THNSL1: variants seen among roughly 807,000 people sequenced by gnomAD.
THNSL1 encodes the protein threonine synthase-like 1.
Under a neutral mutation model 50.4 loss-of-function variants are expected in THNSL1, and 48 were observed. The ratio of observed to expected loss-of-function variants is 0.95; its 90% CI spans 0.76 to 1.21. THNSL1 has a LOEUF of 1.21. Ranked by LOEUF, THNSL1 falls within the 50% of genes most tolerant of loss-of-function variation. The pLI, the probability that THNSL1 is intolerant of heterozygous loss-of-function variation, is 0.00. For missense variants in THNSL1, 896 were observed against 871.7 expected, an observed-to-expected ratio of 1.03 and a Z score of -0.35; for synonymous variants, 309 against 306.1, an observed-to-expected ratio of 1.01 and a Z score of -0.10.
chr10:24,993,725 C>A, the THNSL1 span, among the ~76,000 whole-genome samples: 1 of 152,212 alleles, frequency 6.6e-6, no homozygotes, highest in East Asian at 1.9e-4. Flanking sequence ...GCATTAGGTG[C>A]ACAGTGCTTT....
chr10:24,990,033 A>C, the THNSL1 span, among the ~76,000 whole-genome samples: 9 of 152,226 alleles, frequency 5.9e-5, no homozygotes, highest in African/African-American at 2.2e-4. Context: ...TTTGCCTTAT[A>C]GGAAAGGAAA....
chr10:24,970,089 T>C, the THNSL1 span, among the ~76,000 whole-genome samples: 2 of 152,242 alleles, frequency 1.3e-5, no homozygotes, highest in African/African-American at 4.8e-5. Context: ...TATTTTATTC[T>C]GAAATCACGT....
In THNSL1 at chr10:25,024,566, T is replaced by G. The variant is rs745395331; in HGVS notation, c.1343T>G (p.Phe448Cys). ...DFCQTAIKRI[F>C]NDSDFTGFLT... is the part of the protein sequence containing the mutation. ...TGCCAGACAGCTATAAAAAGAATTT[T>G]TAATGATTCTGATTTTACTGGCTTT... Residue 448 changes from phenylalanine to cysteine, a missense_variant, in exon 3 of 3, where the codon TTT (phenylalanine) becomes TGT (cysteine). By Grantham distance (205) the Phe-to-Cys change is radical. Transcript: ENST00000376356. 6.2e-7 allele frequency: 1 copy of G among 1,614,142 alleles called. No individual in the cohort carries two copies. Among genetic ancestry groups the G allele is most frequent in the Admixed American group, 1.7e-5 (1 of 60,008 alleles).
chr10:25,004,072 T>C, the THNSL1 span, among the ~76,000 whole-genome samples: 13 of 152,332 alleles, frequency 8.5e-5, no homozygotes, highest in South Asian at 2.3e-3. Flanking sequence ...AATTTTTACA[T>C]GTACACATCC....
the THNSL1 span, among the ~76,000 whole-genome samples, chr10:24,996,464 A>G: frequency 1.3e-5 from 2 of 152,098 alleles, no homozygotes. Context: ...GTGTATATAT[A>G]TATATATGAA....
At chr10:25,012,509 C>G (rs1190032696), upstream of THNSL1, among the ~76,000 whole-genome samples, 1 of 152,220 alleles carries the variant, frequency 6.6e-6, no homozygotes, top group Non-Finnish European at 1.5e-5. Context: ...AGGATCCCAC[C>G]TCTTGCATCA....
At chr10:24,965,091 G>C in the THNSL1 span, among the ~76,000 whole-genome samples, 1 of 151,702 alleles carries the variant, frequency 6.6e-6, no homozygotes, top group Non-Finnish European at 1.5e-5. Flanking sequence ...GAACCATCCA[G>C]TCTAAGATGA....
At chr10:24,967,786 CGTATGATGTGT>C in the THNSL1 span, among the ~76,000 whole-genome samples, 11 of 149,838 alleles carry the variant, frequency 7.3e-5, no homozygotes, top group African/African-American at 1.5e-4. Flanking sequence ...TATGTATGTG[CGTATGATGTGT>C]GTATGATGTG....
chr10:24,981,317 G>A, the THNSL1 span, among the ~76,000 whole-genome samples: 1 of 152,128 alleles, frequency 6.6e-6, no homozygotes, highest in African/African-American at 2.4e-5. Context: ...TGACTCTCTG[G>A]CATCATTACT....
chr10:24,996,327 T>C, the THNSL1 span, among the ~76,000 whole-genome samples: 1 of 151,802 alleles, frequency 6.6e-6, no homozygotes, highest in Non-Finnish European at 1.5e-5. Flanking sequence ...GAGGCTGAGG[T>C]GGGAGGATTG....
At chr10:24,974,945 C>T in the THNSL1 span, among the ~76,000 whole-genome samples, 1 of 152,150 alleles carries the variant, frequency 6.6e-6, no homozygotes, top group Non-Finnish European at 1.5e-5. Context: ...ACTGTTTATA[C>T]CATCTATACC....
At chr10:25,017,951 C>G (rs1045423330) in intron 1 of THNSL1, among the ~76,000 whole-genome samples, 10 of 152,258 alleles carry the variant, frequency 6.6e-5, no homozygotes, top group Middle Eastern at 3.4e-3. Context: ...TATGAATTTT[C>G]TAATTAGAAG....
the THNSL1 span, among the ~76,000 whole-genome samples, chr10:25,002,504 G>C: frequency 6.6e-6 from 1 of 152,088 alleles, no homozygotes; most frequent in Non-Finnish European, 1.5e-5. Flanking sequence ...CAGTCGTAGG[G>C]CTTGCCTCAT....
chr10:24,967,667 T>C, the THNSL1 span, among the ~76,000 whole-genome samples: 1 of 151,474 alleles, frequency 6.6e-6, no homozygotes, highest in Non-Finnish European at 1.5e-5. Flanking sequence ...CATGTGTGTA[T>C]GATGTGTGTG....
At chr10:24,975,542 T>A in the THNSL1 span, among the ~76,000 whole-genome samples, 1 of 152,222 alleles carries the variant, frequency 6.6e-6, no homozygotes, top group Non-Finnish European at 1.5e-5. Context: ...GATTAAATCA[T>A]GGGAATGCTT....
the THNSL1 span, among the ~76,000 whole-genome samples, chr10:24,961,400 A>G: frequency 6.6e-6 from 1 of 152,232 alleles, no homozygotes; most frequent in Non-Finnish European, 1.5e-5. Context: ...ATGTGTTTGT[A>G]ATAAACCATT....
chr10:25,003,175 T>C, the THNSL1 span, among the ~76,000 whole-genome samples: 2,335 of 138,766 alleles, frequency 0.017, 23 homozygotes, highest in Middle Eastern at 0.028. Context: ...AATTAATTAA[T>C]TAATTAATTT....
chr10:25,016,049 G>T, upstream of THNSL1: 1 of 1,457,244 alleles, frequency 6.9e-7, no homozygotes, highest in Non-Finnish European at 9.1e-7. Flanking sequence ...CCTTCTGAAG[G>T]ACCACAGGTT....
At chr10:25,004,483 G>T in the THNSL1 span, among the ~76,000 whole-genome samples, 5 of 152,116 alleles carry the variant, frequency 3.3e-5, no homozygotes, top group Non-Finnish European at 7.3e-5. Context: ...GTATCTCATT[G>T]TAGTTTTGAT....
Sources: gnomAD v4.1 joint callset for allele counts (sites outside exome capture counted in the v4.1 genomes callset) on GRCh38, gnomAD v4.1.1 for gene constraint, MANE v1.5 for transcripts, NCBI Gene and HGNC (gene_info 2026-07-23, HGNC 2026-07-21) for gene names.